Variants in SEC24D observed in about 807,000 individuals in gnomAD.
SEC24D encodes SEC24 homolog D, COPII component.
Under a neutral mutation model 116.9 loss-of-function variants are expected in SEC24D, and 69 were observed. The observed-to-expected ratio is 0.59, with a 90% CI of 0.49 to 0.72. The LOEUF (loss-of-function observed/expected upper bound fraction) is 0.72, where lower values mean the gene tolerates loss of function less well. Ranked by LOEUF, SEC24D falls within the 30% of genes least tolerant of loss-of-function variation. The pLI is 0.00. For missense variants in SEC24D, 1,131 were observed against 1,264.1 expected (o/e 0.89, Z 1.60); for synonymous variants, 405 against 442.8 (o/e 0.91, Z 1.07).
chr4:118,810,977 G>A (rs1051144091), intron 6 of SEC24D, among the ~76,000 whole-genome samples: 7 of 152,168 alleles, frequency 4.6e-5, no homozygotes, highest in Admixed American at 6.5e-5. Flanking sequence ...CAAGGAGAAC[G>A]GAGTAAACAG....
intron 19 of SEC24D, chr4:118,736,274 G>C (rs1725956876): frequency 1.3e-5 from 2 of 153,054 alleles, no homozygotes; most frequent in Non-Finnish European, 2.9e-5. Context: ...CAAAGGGCTG[G>C]GATTACAGGC....
chr4:118,802,504 C>T (rs990603254), intron 7 of SEC24D, among the ~76,000 whole-genome samples: 4 of 152,234 alleles, frequency 2.6e-5, no homozygotes, highest in South Asian at 2.1e-4. Flanking sequence ...AAGCTTATTA[C>T]TATTGGCAAA....
intron 17 of SEC24D, among the ~76,000 whole-genome samples, chr4:118,740,359 T>C (rs990022091): frequency 2.6e-5 from 4 of 152,208 alleles, no homozygotes; most frequent in Non-Finnish European, 4.4e-5. Context: ...TGTGAATAGG[T>C]GCTGAAGCCT....
chr4:118,740,108 G>A (rs1172368291), intron 17 of SEC24D, among the ~76,000 whole-genome samples: 1 of 152,122 alleles, frequency 6.6e-6, no homozygotes, highest in Non-Finnish European at 1.5e-5. Flanking sequence ...CTTATAAGAG[G>A]AAAAACTTTG....
chr4:118,826,868 T>C (rs1730611978), intron 2 of SEC24D, among the ~76,000 whole-genome samples: 1 of 152,214 alleles, frequency 6.6e-6, no homozygotes, highest in Non-Finnish European at 1.5e-5. Context: ...TCATTCTCAT[T>C]ATTATTCAAC....
intron 6 of SEC24D, among the ~76,000 whole-genome samples, chr4:118,809,503 CT>C (rs1333355318): frequency 6.6e-6 from 1 of 152,028 alleles, no homozygotes; most frequent in African/African-American, 2.4e-5. Flanking sequence ...AAGTATGTTC[CT>C]TTGGTAATAG....
intron 13 of SEC24D, among the ~76,000 whole-genome samples, chr4:118,746,866 G>A (rs1011402195): frequency 6.6e-6 from 1 of 152,100 alleles, no homozygotes; most frequent in African/African-American, 2.4e-5. Context: ...CTCAGTGAGT[G>A]ACATTCTAAG....
chr4:118,809,874 T>C (rs1488418854), intron 6 of SEC24D, among the ~76,000 whole-genome samples: 2 of 152,104 alleles, frequency 1.3e-5, no homozygotes, highest in Non-Finnish European at 2.9e-5. Flanking sequence ...CCAGGGAGAC[T>C]GAGGATGAGC....
rs76075866 is a variant in SEC24D, at chr4:118,790,902, C to T, written c.1041+6781G>A. On this transcript the variant is annotated intron_variant, in intron 8 of 22. Transcript: ENST00000280551. ...ATGATGGCAATACTAGATAAGCAAA[C>T]AAAACATAAAATTTTACTAACACTG... Among the ~76,000 whole-genome samples, 1,455 of 147,274 alleles carry T rather than the reference C, an allele frequency of 9.9e-3. 22 individuals carry two copies. The highest frequency in any genetic ancestry group is 0.035 in the African/African-American group (1,371 of 39,584).
chr4:118,723,768 T>G (rs1725267252), intron 22 of SEC24D, 113 bp from the exon 23 acceptor site: 3 of 1,169,486 alleles, frequency 2.6e-6, no homozygotes, highest in Non-Finnish European at 3.6e-6. Context: ...CCATTATGTG[T>G]GAGGCTATGG....
In SEC24D at chr4:118,819,835, G is replaced by A. The variant is rs565399100; in HGVS notation, c.249-2423C>T. On this transcript the variant is annotated intron_variant, in intron 3 of 22. Transcript: ENST00000280551. ...TCAAACAGGAGTTATAACACAAGCA[G>A]CTTCAAGTATTTTTTTTAACTTAAC... is the stretch of plus-strand genomic sequence containing the variant. 1.4e-4 allele frequency among the ~76,000 whole-genome samples: 22 copies of A among 152,260 alleles called. 1 individual carries two copies. The South Asian group carries it at 4.6e-3, about 32-fold the overall frequency.
intron 3 of SEC24D, among the ~76,000 whole-genome samples, chr4:118,824,307 G>A (rs1318071196): frequency 2.0e-5 from 3 of 151,958 alleles, no homozygotes; most frequent in African/African-American, 4.8e-5. Context: ...CCACCAGGCC[G>A]GCTAATTTTT....
At chr4:118,789,572 G>A (rs999615770) in intron 8 of SEC24D, among the ~76,000 whole-genome samples, 1 of 152,058 alleles carries the variant, frequency 6.6e-6, no homozygotes, top group Admixed American at 6.6e-5. Context: ...TAAACAGCAT[G>A]TATTATTTAT....
intron 11 of SEC24D, among the ~76,000 whole-genome samples, chr4:118,755,958 A>G (rs934947918): frequency 6.6e-6 from 1 of 152,096 alleles, no homozygotes; most frequent in Non-Finnish European, 1.5e-5. Context: ...CTCCAATGGT[A>G]CATAAAGTTA....
chr4:118,765,529 A>G (rs1297270159), intron 9 of SEC24D, among the ~76,000 whole-genome samples: 2 of 152,240 alleles, frequency 1.3e-5, no homozygotes, highest in African/African-American at 4.8e-5. Context: ...CCAATAGCAC[A>G]GGAACACTTA....
chr4:118,741,823 C>T (rs1726238005), intron 15 of SEC24D, among the ~76,000 whole-genome samples: 1 of 152,098 alleles, frequency 6.6e-6, no homozygotes, highest in Non-Finnish European at 1.5e-5. Context: ...TGGGTGGTGC[C>T]TGCATAGTTC....
chr4:118,791,344 AC>A (rs1199960417), intron 8 of SEC24D, among the ~76,000 whole-genome samples: 1 of 152,134 alleles, frequency 6.6e-6, no homozygotes, highest in Non-Finnish European at 1.5e-5. Flanking sequence ...GCTTTAGAGC[AC>A]TTTAGACACC....
At chr4:118,804,906 A>ACG (rs1260684677) in intron 7 of SEC24D, among the ~76,000 whole-genome samples, 1 of 151,514 alleles carries the variant, frequency 6.6e-6, no homozygotes, top group African/African-American at 2.4e-5. Context: ...ACACACACAC[A>ACG]CACACACACA....
Position 118,797,687 on chromosome 4 carries a change from T to A in SEC24D, c.1037A>T (p.Asn346Ile). Residue 346 changes from asparagine (N) to isoleucine (I), a missense_variant, in exon 8 of 23, where the codon AAT (asparagine) becomes ATT (isoleucine). Transcript: ENST00000280551. The stretch of plus-strand genomic sequence containing the variant: ...GCTATTATATATCATTCTTACCTCA[T>A]TTGAAGGAATGGTGGCAAAGGGCTT... ...VIKPFATIPS[N>I]ESPLYLVNHG... 6.3e-7 allele frequency: 1 copy of A among 1,599,246 alleles called. No homozygotes were observed. The highest frequency in any genetic ancestry group is 8.5e-7 in the Non-Finnish European group (1 of 1,171,454).
Sources: allele counts gnomAD v4.1 joint callset (sites outside exome capture counted in the v4.1 genomes callset), GRCh38; gene constraint gnomAD v4.1.1; transcripts MANE v1.5; gene names NCBI Gene and HGNC (gene_info 2026-07-23, HGNC 2026-07-21).